Variants in CLCN4 observed in about 807,000 individuals in gnomAD.
CLCN4 encodes the protein Cl-/H+ antiporter 4, also known as H(+)/Cl(-) exchange transporter 4.
CLCN4 carries 1 observed loss-of-function variant against 41.7 expected under a neutral mutation model. The observed-to-expected ratio is 0.02, with a 90% CI of 0.01 to 0.11. The LOEUF (loss-of-function observed/expected upper bound fraction) is 0.11, where lower values mean the gene tolerates loss of function less well. CLCN4 is among the 10% of genes least tolerant of loss of function. The pLI is 1.00. For missense variants in CLCN4, 287 were observed against 661.0 expected, an observed-to-expected ratio of 0.43 and a Z score of 6.20; for synonymous variants, 277 against 285.8, an observed-to-expected ratio of 0.97 and a Z score of 0.31.
Position 10,212,664 on chromosome X carries a change from G to A in CLCN4, c.1576+11G>A. ...CTGCGGCCTGCCTCGGTACGACCATGGGTGGGGCAGGGAGGGGGACCGGGG... is the reference window on the plus strand; with the variant it reads ...CTGCGGCCTGCCTCGGTACGACCATAGGTGGGGCAGGGAGGGGGACCGGGG... On this transcript the variant is annotated intron_variant, in intron 10 of 12. Transcript: ENST00000380833. The A allele has an allele frequency of 5.9e-6, 7 of 1,192,483 alleles. No homozygotes were observed. Among genetic ancestry groups the A allele is most frequent in the Non-Finnish European group, 6.8e-6 (6 of 881,552 alleles).
At chrX:10,230,032 C>G (rs1412131820) in intron 12 of CLCN4, among the ~76,000 whole-genome samples, 1 of 112,518 alleles carries the variant, frequency 8.9e-6, no homozygotes, top group Non-Finnish European at 1.9e-5. Context: ...TTTTCATACA[C>G]CTGTTTGCTA....
chrX:10,232,501 C>A (rs1368331643), intron 12 of CLCN4, among the ~76,000 whole-genome samples: 1 of 112,185 alleles, frequency 8.9e-6, no homozygotes, highest in Non-Finnish European at 1.9e-5. Flanking sequence ...CTTCTGCATA[C>A]CCCTTTTTTG....
rs1277215208 is a variant in CLCN4 at position 10,216,895 on chromosome X, G to GTATATATA, written c.1975+2817_1975+2818insATATATAT. ...CTGTTGGGGATGTGTGTGTGTGTGT[G>GTATATATA]TGTATATATATATATATATATATAC... On this transcript the variant is annotated intron_variant, in intron 11 of 12. Transcript: ENST00000380833. 3.3e-3 allele frequency among the ~76,000 whole-genome samples: 7 copies of GTATATATA among 2,096 alleles called. 1 individual carries two copies. Among genetic ancestry groups the GTATATATA allele is most frequent in the Admixed American group, 0.012 (1 of 84 alleles). 1.8% of individuals were successfully genotyped at this position (2,096 alleles called of 115,157 possible).
intron 11 of CLCN4, among the ~76,000 whole-genome samples, chrX:10,215,741 C>G (rs1924688209): frequency 8.9e-6 from 1 of 112,037 alleles, no homozygotes; most frequent in Non-Finnish European, 1.9e-5. Context: ...TTGCTGAAAC[C>G]CATTACTGTA....
intron 2 of CLCN4, among the ~76,000 whole-genome samples, chrX:10,174,812 C>G (rs927581218): frequency 5.3e-5 from 6 of 112,235 alleles, no homozygotes; most frequent in African/African-American, 1.9e-4. Context: ...TTGCTGCTGT[C>G]ATCTTTTGTC....
intron 5 of CLCN4, among the ~76,000 whole-genome samples, chrX:10,196,123 T>G (rs1924088874): frequency 1.8e-5 from 2 of 112,301 alleles, no homozygotes; most frequent in South Asian, 7.4e-4. Context: ...TTGTCCACCT[T>G]CCTGTCAGCA....
intron 2 of CLCN4, among the ~76,000 whole-genome samples, chrX:10,183,934 G>A (rs746613732): frequency 3.6e-3 from 404 of 112,223 alleles, no homozygotes; most frequent in Non-Finnish European, 6.1e-3. Context: ...CTCTTGGCTC[G>A]CGGCAGGTTG....
chrX:10,175,959 T>C (rs1183201582), intron 2 of CLCN4, among the ~76,000 whole-genome samples: 2 of 64,606 alleles, frequency 3.1e-5, no homozygotes, highest in African/African-American at 6.3e-5. Context: ...TCTCTCTCTC[T>C]CTCTCTCTCT....
chrX:10,166,354 C>T (rs777585864), intron 2 of CLCN4, among the ~76,000 whole-genome samples: 3 of 112,429 alleles, frequency 2.7e-5, no homozygotes, highest in Non-Finnish European at 3.8e-5. Flanking sequence ...CCACCCAGTC[C>T]GTGGTGCTTG....
At chrX:10,187,489 C>T in intron 3 of CLCN4, 26 bp from the exon 4 acceptor site, 1 of 1,082,039 alleles carries the variant, frequency 9.2e-7, no homozygotes, top group Non-Finnish European at 1.3e-6. Context: ...GCATTCGGAT[C>T]AGTTGCTGTA....
chrX:10,194,178 G>A (rs1363191301), intron 4 of CLCN4, among the ~76,000 whole-genome samples: 2 of 109,990 alleles, frequency 1.8e-5, no homozygotes, highest in African/African-American at 6.6e-5. Context: ...ATGCAGAACC[G>A]ATCCTGTAAT....
intron 2 of CLCN4, among the ~76,000 whole-genome samples, chrX:10,184,334 C>T (rs1196226836): frequency 1.8e-5 from 2 of 111,162 alleles, no homozygotes; most frequent in Non-Finnish European, 3.8e-5. Flanking sequence ...CCCCCCAGAT[C>T]AATACTCGTG....
Position 10,157,080 on chromosome X carries a change from C to T in CLCN4, c.-295C>T. 1.0e-5 allele frequency: 3 copies of T among 298,007 alleles called. No homozygotes were observed. Among genetic ancestry groups the T allele is most frequent in the Non-Finnish European group, 1.2e-5 (2 of 170,385 alleles). The allele number at this position is 298,007 out of a possible 1,213,427, so 24.6% of individuals were successfully genotyped here. The stretch of plus-strand genomic sequence containing the variant: ...GATTTCGGTAGCGTTTTAACTTTAT[C>T]TCAGAATCTGAAAGCGGAAGGTAAG... On this transcript the variant is annotated 5_prime_UTR_variant, in exon 1 of 13. Transcript: ENST00000380833.
At chrX:10,186,466 GC>G (rs1923814076) in intron 3 of CLCN4, among the ~76,000 whole-genome samples, 2 of 111,220 alleles carry the variant, frequency 1.8e-5, no homozygotes, top group Admixed American at 1.9e-4. Context: ...TTGTGTAGGG[GC>G]CTGCTCACAA....
At chrX:10,207,951 G>T in intron 8 of CLCN4, 94 bp from the exon 9 acceptor site, 1 of 741,545 alleles carries the variant, frequency 1.3e-6, no homozygotes. Flanking sequence ...GTCCACTCTT[G>T]GACTTAGAGT....
At chrX:10,196,413 A>G (rs1386207915) in intron 5 of CLCN4, among the ~76,000 whole-genome samples, 1 of 111,934 alleles carries the variant, frequency 8.9e-6, no homozygotes, top group Non-Finnish European at 1.9e-5. Flanking sequence ...TTAAAGGATC[A>G]GAAAGCCACG....
In CLCN4 at chrX:10,187,612, C is replaced by T; in HGVS notation, c.242C>T (p.Ala81Val). 1 of 1,204,222 alleles carries T rather than the reference C, an allele frequency of 8.3e-7. No individual in the cohort carries two copies. Among genetic ancestry groups the T allele is most frequent in the Non-Finnish European group, 1.1e-6 (1 of 888,776 alleles). Residue 81 changes from alanine (A) to valine (V), a missense_variant and splice_region_variant, in exon 4 of 13, where the codon GCG (alanine) becomes GTG (valine). This residue lies in a region of CLCN4 where 90 missense variants were observed against 209.8 expected (regional missense o/e 0.43). Coordinates refer to ENST00000380833, the MANE Select transcript of CLCN4 (RefSeq NM_001830.4). ...GTGATGCTGCTCATCGGCCTGCTGG[C>T]GGGTACGTGGATGGGCATGCGGCAC... is the stretch of plus-strand genomic sequence containing the variant. ...WVVMLLIGLL[A>V]GTLAGVIDLA...
At chrX:10,165,929 C>T (rs1281098434) in intron 2 of CLCN4, among the ~76,000 whole-genome samples, 3 of 112,138 alleles carry the variant, frequency 2.7e-5, no homozygotes, top group South Asian at 3.7e-4. Flanking sequence ...AGCACATGAA[C>T]GCGGTTTTGG....
rs762939085 is a variant in CLCN4, at chrX:10,236,938, C to G, written c.*3354C>G. 1.8e-5 allele frequency: 2 copies of G among 112,019 alleles called. No homozygotes were observed. Among genetic ancestry groups the G allele is most frequent in the Non-Finnish European group, 3.8e-5 (2 of 53,222 alleles). 9.2% of individuals were successfully genotyped at this position (112,019 alleles called of 1,213,427 possible). Reference sequence around the variant, plus strand: ...CACCCTGGAAGTGACATGTGTGTTTCTTCTAAGTCGTTTTTAGTGCATCCC... The same window carrying G: ...CACCCTGGAAGTGACATGTGTGTTTGTTCTAAGTCGTTTTTAGTGCATCCC... On this transcript the variant is annotated 3_prime_UTR_variant, in exon 13 of 13. Coordinates refer to ENST00000380833, the MANE Select transcript of CLCN4 (RefSeq NM_001830.4).
Sources: gnomAD v4.1 joint callset for allele counts (sites outside exome capture counted in the v4.1 genomes callset) on GRCh38, gnomAD v4.1.1 for gene constraint, gnomAD v4.1.1 regional missense constraint, MANE v1.5 for transcripts, NCBI Gene and HGNC (gene_info 2026-07-23, HGNC 2026-07-21) for gene names.